ROR1: variants seen among roughly 807,000 people sequenced by gnomAD.
The protein encoded by ROR1 is inactive tyrosine-protein kinase transmembrane receptor ROR1.
In ROR1, 19 loss-of-function variants were observed where a neutral mutation model predicts 78.8. The observed-to-expected ratio is 0.24, with a 90% confidence interval of 0.17 to 0.35. The LOEUF is 0.35. Ranked by LOEUF, ROR1 falls within the 10% of genes least tolerant of loss-of-function variation. ROR1 has a pLI of 1.00. For synonymous variants in ROR1, 386 were observed against 433.6 expected, an observed-to-expected ratio of 0.89 and a Z score of 1.36; for missense variants, 917 against 1,177.8, an observed-to-expected ratio of 0.78 and a Z score of 3.24.
At chr1:63,889,510 G>T (rs1465117048) in intron 1 of ROR1, among the ~76,000 whole-genome samples, 2 of 152,130 alleles carry the variant, frequency 1.3e-5, no homozygotes, top group Admixed American at 6.6e-5. Flanking sequence ...AATACCCAAT[G>T]CAGAGAGTCC....
rs372226490 is a variant in ROR1, at chr1:64,033,599, A to C, written c.164-16092A>C. Among the ~76,000 whole-genome samples the C allele has an allele frequency of 1.6e-4, 24 of 152,354 alleles. 1 individual carries two copies. The highest frequency in any genetic ancestry group is 4.6e-4 in the African/African-American group (19 of 41,586). On this transcript the variant is annotated intron_variant, in intron 2 of 8. Coordinates refer to ENST00000371079, the MANE Select transcript of ROR1 (RefSeq NM_005012.4). ...TTTAAGCATGAAAATAAGTTAACTT[A>C]GTTACCTCATTGTCTAGACATCCTG... is the stretch of plus-strand genomic sequence containing the variant.
At chr1:64,063,095 G>A (rs553863752) in intron 4 of ROR1, among the ~76,000 whole-genome samples, 2 of 152,196 alleles carry the variant, frequency 1.3e-5, no homozygotes, top group Non-Finnish European at 2.9e-5. Context: ...ATATACCATT[G>A]TAACCAAGAA....
intron 4 of ROR1, among the ~76,000 whole-genome samples, chr1:64,093,935 T>C (rs1425159573): frequency 6.6e-6 from 1 of 152,188 alleles, no homozygotes; most frequent in Non-Finnish European, 1.5e-5. Context: ...ATTATTATTA[T>C]GCCCATTTTA....
At chr1:63,854,345 CTGTGTATTAG>C (rs959704349) in intron 1 of ROR1, among the ~76,000 whole-genome samples, 1 of 152,198 alleles carries the variant, frequency 6.6e-6, no homozygotes, top group Non-Finnish European at 1.5e-5. Context: ...TTTCTTCCTC[CTGTGTATTAG>C]TGAATTGAAA....
At position 64,178,362 on chromosome 1, in the gene ROR1, G is replaced by A. The variant is rs1650449759; in HGVS notation, c.2321G>A (p.Ser774Asn). The change falls in exon 9 of 9, where the codon AGT (serine) becomes AAT (asparagine). Residue 774 changes from serine (S) to asparagine (N), a missense_variant. Physicochemically the swap from Ser to Asn is conservative, Grantham distance 46. Coordinates refer to ENST00000371079, the MANE Select transcript of ROR1 (RefSeq NM_005012.4). This position sits in a 1 kb window ranked among gnomAD's most constrained non-coding sequence, Gnocchi z 4.3. Reference sequence around the variant, plus strand: ...GCCACCACACAGACAACCTCCCTCAGTGCCAGCCCAGTGAGTAATCTCAGT... The same window carrying A: ...GCCACCACACAGACAACCTCCCTCAATGCCAGCCCAGTGAGTAATCTCAGT... ...GNATTQTTSL[S>N]ASPVSNLSNP... The A allele has an allele frequency of 3.1e-6, 5 of 1,614,176 alleles. No individual in the cohort carries two copies. The highest frequency in any genetic ancestry group is 4.2e-6 in the Non-Finnish European group (5 of 1,180,032).
At chr1:64,082,348 G>A (rs773150220) in intron 4 of ROR1, among the ~76,000 whole-genome samples, 22 of 152,192 alleles carry the variant, frequency 1.4e-4, no homozygotes, top group Non-Finnish European at 2.2e-4. Context: ...TAAATTACAT[G>A]TACAAGATGA....
chr1:64,132,770 A>G (rs1473975884), intron 4 of ROR1, among the ~76,000 whole-genome samples: 2 of 147,688 alleles, frequency 1.4e-5, no homozygotes, highest in Admixed American at 1.3e-4. Flanking sequence ...CAAAAAAAAA[A>G]AAAAAAAAAA....
chr1:63,789,852 A>G (rs1036274930), intron 1 of ROR1, among the ~76,000 whole-genome samples: 5 of 151,986 alleles, frequency 3.3e-5, no homozygotes, highest in Non-Finnish European at 4.4e-5. Context: ...AATCAAAGAG[A>G]CACTCATTAA....
chr1:63,835,329 G>A (rs1645013628), intron 1 of ROR1, among the ~76,000 whole-genome samples: 1 of 152,106 alleles, frequency 6.6e-6, no homozygotes. Context: ...TCTGGAACTG[G>A]AATCCACACA....
At chr1:63,946,007 G>C (rs1645885495) in intron 1 of ROR1, among the ~76,000 whole-genome samples, 1 of 152,098 alleles carries the variant, frequency 6.6e-6, no homozygotes, top group Admixed American at 6.5e-5. Flanking sequence ...GTCCTCCTAG[G>C]CAATTGTGCT....
chr1:64,131,205 A>G (rs1412162356), intron 4 of ROR1, among the ~76,000 whole-genome samples: 6 of 152,050 alleles, frequency 3.9e-5, no homozygotes, highest in African/African-American at 1.2e-4. Flanking sequence ...TCTTGATGTG[A>G]TTTCCTCTCC....
At chr1:64,083,189 T>C (rs6681007) in intron 4 of ROR1, among the ~76,000 whole-genome samples, 22,591 of 152,064 alleles carry the variant, frequency 0.15, 1,770 homozygotes, top group Middle Eastern at 0.2. Flanking sequence ...GGGGAAGTTA[T>C]TGAAAAAGTA....
chr1:63,796,930 G>A (rs1644765099), intron 1 of ROR1, among the ~76,000 whole-genome samples: 1 of 152,078 alleles, frequency 6.6e-6, no homozygotes, highest in African/African-American at 2.4e-5. Flanking sequence ...TGAGAAAAAT[G>A]TTTCACATTT....
At chr1:63,952,361 G>C (rs955318013) in intron 1 of ROR1, among the ~76,000 whole-genome samples, 2 of 152,164 alleles carry the variant, frequency 1.3e-5, no homozygotes, top group Non-Finnish European at 2.9e-5. Context: ...AAGGAATTTG[G>C]ATTTCATTCT....
chr1:64,034,911 G>A (rs1431321812), intron 2 of ROR1, among the ~76,000 whole-genome samples: 1 of 148,830 alleles, frequency 6.7e-6, no homozygotes, highest in African/African-American at 2.6e-5. Flanking sequence ...CATTAATCTC[G>A]AGGTAGATAC....
chr1:64,144,640 ACACT>A (rs965541767), intron 7 of ROR1, among the ~76,000 whole-genome samples: 1 of 152,196 alleles, frequency 6.6e-6, no homozygotes, highest in African/African-American at 2.4e-5. Context: ...AAGAAAACTG[ACACT>A]CAGTAAGAAT....
At position 64,050,716 on chromosome 1, in the gene ROR1, C is replaced by T. The variant is rs758869482; in HGVS notation, c.482C>T (p.Ser161Leu). The T allele has an allele frequency of 2.9e-5, 47 of 1,613,468 alleles. No individual in the cohort carries two copies. In the South Asian group the frequency reaches 3.5e-4, roughly 12 times the overall value. Reference sequence around the variant, plus strand: ...CCTCCCACTGCAAGTCCAGGATACTCGTAAGTACTTTTATCTCCTTTCTTG... The same window carrying T: ...CCTCCCACTGCAAGTCCAGGATACTTGTAAGTACTTTTATCTCCTTTCTTG... ...GPPPTASPGY[S>L]DEYEEDGFCQ... is the part of the protein sequence containing the mutation. Residue 161 changes from serine (S) to leucine (L), a missense_variant and splice_region_variant, in exon 4 of 9, where the codon TCA becomes TTA. Transcript: ENST00000371079.
intron 1 of ROR1, among the ~76,000 whole-genome samples, chr1:63,864,743 G>A (rs551657599): frequency 6.6e-6 from 1 of 151,210 alleles, no homozygotes; most frequent in South Asian, 2.1e-4. Flanking sequence ...TGCTGCTGTG[G>A]AGCAGTTGTA....
chr1:64,084,479 C>T (rs1316727355), intron 4 of ROR1, among the ~76,000 whole-genome samples: 1 of 152,174 alleles, frequency 6.6e-6, no homozygotes, highest in Non-Finnish European at 1.5e-5. Context: ...ATAATATATT[C>T]AACCTTGTGC....
Sources: allele counts gnomAD v4.1 joint callset (sites outside exome capture counted in the v4.1 genomes callset), GRCh38; gene constraint gnomAD v4.1.1; non-coding constraint Gnocchi (gnomAD v3.1); transcripts MANE v1.5; gene names NCBI Gene and HGNC (gene_info 2026-07-23, HGNC 2026-07-21).